Variants in KCNIP4 observed in about 807,000 individuals in gnomAD.
The protein encoded by KCNIP4 is potassium voltage-gated channel interacting protein 4.
KCNIP4 carries 12 observed loss-of-function variants against 34.0 expected under a neutral mutation model. The ratio of observed to expected loss-of-function variants is 0.35; its 90% CI spans 0.23 to 0.57. The LOEUF is 0.57. KCNIP4 is among the 20% of genes least tolerant of loss of function. The pLI, the probability that KCNIP4 is intolerant of heterozygous loss-of-function variation, is 0.83. For synonymous variants in KCNIP4, 124 were observed against 102.2 expected (o/e 1.21, Z -1.29); for missense variants, 238 against 311.7 (o/e 0.76, Z 1.78).
At chr4:21,136,334 G>T (rs1433484) in intron 1 of KCNIP4, among the ~76,000 whole-genome samples, 80,292 of 152,012 alleles carry the variant, frequency 0.53, 21,794 homozygotes, top group African/African-American at 0.64. Flanking sequence ...TGGAGAATTA[G>T]CAAAGGATAA....
chr4:21,880,727 G>A (rs1187936361), intron 1 of KCNIP4, among the ~76,000 whole-genome samples: 1 of 152,120 alleles, frequency 6.6e-6, no homozygotes, highest in Non-Finnish European at 1.5e-5. Context: ...TAATTATTCT[G>A]GTGGATAGCC....
chr4:21,558,858 A>G (rs1486449368), intron 1 of KCNIP4, among the ~76,000 whole-genome samples: 2 of 152,196 alleles, frequency 1.3e-5, no homozygotes, highest in Non-Finnish European at 2.9e-5. Flanking sequence ...TAGCTTTTGA[A>G]CTGTATTAGC....
intron 1 of KCNIP4, among the ~76,000 whole-genome samples, chr4:20,900,639 A>G (rs1727066964): frequency 6.6e-6 from 1 of 152,216 alleles, no homozygotes; most frequent in African/African-American, 2.4e-5. Context: ...AAGCACGTTC[A>G]GAAAAGCAGA....
intron 2 of KCNIP4, among the ~76,000 whole-genome samples, chr4:20,869,220 C>A (rs1438286072): frequency 6.6e-6 from 1 of 152,004 alleles, no homozygotes; most frequent in African/African-American, 2.4e-5. Context: ...TGCACTAAAA[C>A]ATTTATCCAT....
At chr4:21,649,398 T>C (rs971126375) in intron 1 of KCNIP4, among the ~76,000 whole-genome samples, 1 of 152,100 alleles carries the variant, frequency 6.6e-6, no homozygotes, top group African/African-American at 2.4e-5. Flanking sequence ...TACTACATAC[T>C]GATGCTATAA....
chr4:21,785,509 T>C (rs186553787), intron 1 of KCNIP4, among the ~76,000 whole-genome samples: 12 of 151,986 alleles, frequency 7.9e-5, no homozygotes, highest in Non-Finnish European at 1.3e-4. Flanking sequence ...GGAGAATCAC[T>C]TGAACCCAGG....
Position 20,751,810 on chromosome 4 carries a change from T to C in KCNIP4, c.359-2078A>G, listed in dbSNP as rs148663788. Among the ~76,000 whole-genome samples, 588 of 152,342 alleles carry C rather than the reference T, an allele frequency of 3.9e-3. 2 individuals carry two copies. Among genetic ancestry groups the C allele is most frequent in the Non-Finnish European group, 6.3e-3 (432 of 68,040 alleles). On this transcript the variant is annotated intron_variant, in intron 4 of 8. Transcript: ENST00000382152. ...GCTTTCAAGGTTTACACTAATGTGG[T>C]ACAGAGGACATCCTGTTCTTCTAAA... is the stretch of plus-strand genomic sequence containing the variant.
intron 1 of KCNIP4, among the ~76,000 whole-genome samples, chr4:21,587,588 G>T (rs1473089238): frequency 1.3e-5 from 2 of 151,874 alleles, no homozygotes; most frequent in Admixed American, 6.6e-5. Context: ...AGTAATAATG[G>T]CTAACATGTA....
At chr4:21,468,878 G>A (rs752423309) in intron 1 of KCNIP4, among the ~76,000 whole-genome samples, 7 of 151,968 alleles carry the variant, frequency 4.6e-5, no homozygotes, top group Non-Finnish European at 7.4e-5. Flanking sequence ...ATCTGTATTT[G>A]TGCACAAGTT....
chr4:21,061,838 G>T (rs1743951453), intron 1 of KCNIP4, among the ~76,000 whole-genome samples: 1 of 151,918 alleles, frequency 6.6e-6, no homozygotes, highest in South Asian at 2.1e-4. Flanking sequence ...GAGTCTTTAG[G>T]GTAAGCCCTA....
chr4:20,981,940 C>A (rs969049377), intron 1 of KCNIP4, among the ~76,000 whole-genome samples: 1 of 152,144 alleles, frequency 6.6e-6, no homozygotes. Context: ...ACTTTTCAGA[C>A]CAACTCAAAA....
intron 1 of KCNIP4, among the ~76,000 whole-genome samples, chr4:21,425,204 T>A (rs1043521457): frequency 2.0e-5 from 3 of 152,152 alleles, no homozygotes; most frequent in African/African-American, 7.2e-5. Context: ...AAATTATTAA[T>A]AAAATAAAAT....
Position 21,727,842 on chromosome 4 carries a change from A to G in KCNIP4, c.61+220729T>C, listed in dbSNP as rs111261385. Among the ~76,000 whole-genome samples the G allele has an allele frequency of 9.1e-3, 1,386 of 152,260 alleles. 24 individuals carry two copies. The highest frequency in any genetic ancestry group is 0.032 in the African/African-American group (1,321 of 41,556). On this transcript the variant is annotated intron_variant, in intron 1 of 8. Coordinates refer to ENST00000382152, the MANE Select transcript of KCNIP4 (RefSeq NM_025221.6). ...AGATTCCATCTCAAAAAATTAAAAT[A>G]AGAATAATAAGAATAAATAAAATGG...
intron 1 of KCNIP4, among the ~76,000 whole-genome samples, chr4:21,023,179 T>C (rs1577552045): frequency 1.3e-5 from 2 of 152,212 alleles, no homozygotes; most frequent in East Asian, 3.9e-4. Context: ...AATGAAGACA[T>C]TAACTAGTAG....
At chr4:20,892,938 G>C (rs1470594703) in intron 1 of KCNIP4, among the ~76,000 whole-genome samples, 1 of 152,054 alleles carries the variant, frequency 6.6e-6, no homozygotes, top group Admixed American at 6.5e-5. Flanking sequence ...ACTTCTACAG[G>C]GCTATCCTTT....
At chr4:21,291,056 G>C (rs1174623938) in intron 1 of KCNIP4, among the ~76,000 whole-genome samples, 1 of 152,138 alleles carries the variant, frequency 6.6e-6, no homozygotes, top group Admixed American at 6.5e-5. Flanking sequence ...ATTGTAGTCA[G>C]GGTGTTTTCC....
At chr4:20,949,845 C>T (rs1310812107) in intron 1 of KCNIP4, among the ~76,000 whole-genome samples, 3 of 97,836 alleles carry the variant, frequency 3.1e-5, no homozygotes, top group African/African-American at 4.1e-5. Context: ...ACGTCACACT[C>T]TGGGGACGGT....
At chr4:21,010,423 T>C (rs140771781) in intron 1 of KCNIP4, among the ~76,000 whole-genome samples, 1 of 152,260 alleles carries the variant, frequency 6.6e-6, no homozygotes, top group Non-Finnish European at 1.5e-5. Flanking sequence ...CGCTTCTGAA[T>C]GGCAGAGCAC....
At position 21,893,853 on chromosome 4, in the gene KCNIP4, T is replaced by G. The variant is rs189440703; in HGVS notation, c.61+54718A>C. On this transcript the variant is annotated intron_variant, in intron 1 of 8. Transcript: ENST00000382152. ...ACATATAGTTTTGTAGTGGATTACA[T>G]CTGAACTGAATTTTCAGTGCTGCTG... Among the ~76,000 whole-genome samples, 1,062 of 152,298 alleles carry G rather than the reference T, an allele frequency of 7.0e-3. 8 individuals are homozygous for G. The highest frequency in any genetic ancestry group is 0.012 in the Non-Finnish European group (804 of 68,014).
Sources: gnomAD v4.1 joint callset for allele counts (sites outside exome capture counted in the v4.1 genomes callset) on GRCh38, gnomAD v4.1.1 for gene constraint, MANE v1.5 for transcripts, NCBI Gene and HGNC (gene_info 2026-07-23, HGNC 2026-07-21) for gene names.